Variants in SH3PXD2B observed in about 807,000 individuals in gnomAD.
SH3PXD2B encodes SH3 and PX domains 2B, also known as SH3 and PX domain-containing protein 2B.
A neutral mutation model predicts 73.1 loss-of-function variants in SH3PXD2B; 37 were observed. The ratio of observed to expected loss-of-function variants is 0.51; its 90% CI spans 0.39 to 0.67. SH3PXD2B has a LOEUF of 0.67. SH3PXD2B is among the 30% of genes least tolerant of loss of function. SH3PXD2B has a pLI of 0.00. For synonymous variants in SH3PXD2B, 457 were observed against 480.5 expected, an observed-to-expected ratio of 0.95 and a Z score of 0.64; for missense variants, 1,053 against 1,197.8, an observed-to-expected ratio of 0.88 and a Z score of 1.78.
intron 1 of SH3PXD2B, among the ~76,000 whole-genome samples, chr5:172,452,469 T>C (rs577153664): frequency 2.6e-4 from 40 of 152,236 alleles, no homozygotes; most frequent in African/African-American, 9.6e-4. Flanking sequence ...AGTGGTGTGG[T>C]CCTTTTGGGG....
intron 3 of SH3PXD2B, among the ~76,000 whole-genome samples, chr5:172,404,642 G>A (rs934858781): frequency 8.5e-5 from 13 of 152,226 alleles, no homozygotes; most frequent in Admixed American, 3.9e-4. Context: ...TGTGACTTAG[G>A]GTGATTGTCA....
chr5:172,439,692 G>GCGCGCACA (rs1554087696), intron 1 of SH3PXD2B, among the ~76,000 whole-genome samples: 33 of 138,536 alleles, frequency 2.4e-4, no homozygotes, highest in African/African-American at 8.1e-4. Flanking sequence ...GCACGCGCGC[G>GCGCGCACA]CACACACACA....
At chr5:172,434,305 C>T (rs570495875) in intron 1 of SH3PXD2B, among the ~76,000 whole-genome samples, 2 of 152,274 alleles carry the variant, frequency 1.3e-5, no homozygotes, top group South Asian at 2.1e-4. Flanking sequence ...CTTAGAGGCT[C>T]TTGACAAACA....
downstream of SH3PXD2B, among the ~76,000 whole-genome samples, chr5:172,329,475 C>T (rs1386116915): frequency 5.3e-5 from 8 of 151,210 alleles, no homozygotes; most frequent in East Asian, 1.2e-3. Context: ...CCAAGTTTCA[C>T]GCAGCTGGAA....
chr5:172,406,855 A>G (rs1444580025), intron 2 of SH3PXD2B, among the ~76,000 whole-genome samples: 1 of 152,216 alleles, frequency 6.6e-6, no homozygotes, highest in Non-Finnish European at 1.5e-5. Flanking sequence ...AACAGGAGAC[A>G]GCGAGGAAAA....
chr5:172,403,774 G>C (rs1299452185), intron 3 of SH3PXD2B, among the ~76,000 whole-genome samples: 1 of 152,218 alleles, frequency 6.6e-6, no homozygotes, highest in African/African-American at 2.4e-5. Flanking sequence ...TGAATATCCA[G>C]AATGGTCATT....
intron 2 of SH3PXD2B, among the ~76,000 whole-genome samples, chr5:172,410,360 G>C (rs1758664715): frequency 6.6e-6 from 1 of 152,168 alleles, no homozygotes. Flanking sequence ...TCTGTTGCCT[G>C]GTGAGGTGGA....
chr5:172,357,215 G>C (rs1012125688), intron 8 of SH3PXD2B, among the ~76,000 whole-genome samples: 5 of 151,668 alleles, frequency 3.3e-5, no homozygotes, highest in Non-Finnish European at 7.4e-5. Flanking sequence ...CTTGAGGTCA[G>C]GAGTTCGAGA....
At chr5:172,452,292 G>A (rs141338778) in intron 1 of SH3PXD2B, among the ~76,000 whole-genome samples, 1 of 152,300 alleles carries the variant, frequency 6.6e-6, no homozygotes, top group Non-Finnish European at 1.5e-5. Context: ...GTGGCTGAAA[G>A]CTTCAAAAGA....
intron 12 of SH3PXD2B, among the ~76,000 whole-genome samples, chr5:172,341,663 T>C (rs1000984908): frequency 6.6e-6 from 1 of 152,316 alleles, no homozygotes. Context: ...ATTTATTTAT[T>C]TTTTTGAGAC....
chr5:172,423,296 ACTATCTGTTG>A (rs568360696), intron 1 of SH3PXD2B, among the ~76,000 whole-genome samples: 156 of 152,288 alleles, frequency 1.0e-3, no homozygotes, highest in Admixed American at 2.2e-3. Context: ...GACTGCATAA[ACTATCTGTTG>A]CTATAGGGTA....
intron 1 of SH3PXD2B, among the ~76,000 whole-genome samples, chr5:172,452,767 A>G (rs966985492): frequency 7.2e-5 from 11 of 152,220 alleles, no homozygotes; most frequent in African/African-American, 2.7e-4. Context: ...TCTTCATGCC[A>G]AAGAGGCAAA....
At chr5:172,350,229 C>T in intron 10 of SH3PXD2B, 134 bp downstream of exon 10, 1 of 815,796 alleles carries the variant, frequency 1.2e-6, no homozygotes, top group South Asian at 1.8e-5. Context: ...GGTTTCTGGG[C>T]CTCTGTTTTC....
chr5:172,368,486 T>A (rs1226148652), intron 6 of SH3PXD2B, among the ~76,000 whole-genome samples: 1,034 of 11,710 alleles, frequency 0.088, 196 homozygotes, highest in Middle Eastern at 0.17. Flanking sequence ...ATATATAAAA[T>A]ATATATATAT....
intron 1 of SH3PXD2B, among the ~76,000 whole-genome samples, chr5:172,453,157 C>A (rs1408482138): frequency 6.6e-6 from 1 of 152,182 alleles, no homozygotes; most frequent in Admixed American, 6.5e-5. Flanking sequence ...TCCAGGGAGG[C>A]CAAGGAGCTT....
At chr5:172,369,770 AAAAC>A (rs1350134849) in intron 6 of SH3PXD2B, among the ~76,000 whole-genome samples, 9 of 152,228 alleles carry the variant, frequency 5.9e-5, no homozygotes, top group African/African-American at 1.2e-4. Context: ...TTCATCTCAA[AAAAC>A]AAACAAACTA....
At chr5:172,392,374 T>C (rs1758210390) in intron 4 of SH3PXD2B, among the ~76,000 whole-genome samples, 2 of 152,278 alleles carry the variant, frequency 1.3e-5, no homozygotes, top group Admixed American at 6.5e-5. Context: ...TCCAGAACTG[T>C]AGGAAACTAA....
At chr5:172,404,467 T>C (rs1581312975) in intron 3 of SH3PXD2B, among the ~76,000 whole-genome samples, 3 of 152,132 alleles carry the variant, frequency 2.0e-5, no homozygotes, top group South Asian at 2.1e-4. Context: ...AATTTTTATA[T>C]TTTTAGTAGA....
intron 1 of SH3PXD2B, among the ~76,000 whole-genome samples, chr5:172,435,597 AT>A (rs200157520): frequency 6.6e-6 from 1 of 152,018 alleles, no homozygotes; most frequent in Non-Finnish European, 1.5e-5. Flanking sequence ...TAATAAACAA[AT>A]TTTTTTGTAG....
Sources: allele counts gnomAD v4.1 joint callset (sites outside exome capture counted in the v4.1 genomes callset), GRCh38; gene constraint gnomAD v4.1.1; transcripts MANE v1.5; gene names NCBI Gene and HGNC (gene_info 2026-07-23, HGNC 2026-07-21).